The following THAP4 variants were observed in gnomAD, a reference collection of about 807,000 sequenced individuals.
THAP4 encodes THAP domain containing 4, also known as peroxynitrite isomerase THAP4.
In THAP4, 18 loss-of-function variants were observed where a neutral mutation model predicts 48.1. That is an observed-to-expected ratio of 0.37 (90% CI 0.26 to 0.56). The LOEUF is 0.56. THAP4 is among the 20% of genes least tolerant of loss of function. THAP4 has a pLI of 0.78. For synonymous variants in THAP4, 345 were observed against 324.9 expected (o/e 1.06, Z -0.66); for missense variants, 656 against 774.9 (o/e 0.85, Z 1.82).
At chr2:241,607,998 A>G (rs1363240353) in intron 2 of THAP4, among the ~76,000 whole-genome samples, 1 of 144,558 alleles carries the variant, frequency 6.9e-6, no homozygotes, top group South Asian at 2.3e-4. Flanking sequence ...ACTGACCCCC[A>G]GTGTCTCCTC....
At chr2:241,596,588 C>T (rs1238271234) in intron 5 of THAP4, among the ~76,000 whole-genome samples, 2 of 94,348 alleles carry the variant, frequency 2.1e-5, no homozygotes, top group African/African-American at 4.4e-5. Context: ...GCGCAGATCA[C>T]GAGGTCAGGA....
intron 2 of THAP4, among the ~76,000 whole-genome samples, chr2:241,621,365 A>C (rs1015314812): frequency 1.3e-5 from 2 of 152,210 alleles, no homozygotes; most frequent in Non-Finnish European, 2.9e-5. Context: ...TAGTAATAAT[A>C]ATAAAATCAG....
At chr2:241,603,214 C>G in intron 3 of THAP4, 135 bp from the exon 4 acceptor site, 2 of 672,802 alleles carry the variant, frequency 3.0e-6, no homozygotes, top group Admixed American at 4.3e-5. Flanking sequence ...CTGCCCCTAC[C>G]ACCACCTTGC....
chr2:241,595,300 C>T (rs1377236949), intron 5 of THAP4, among the ~76,000 whole-genome samples: 1 of 152,030 alleles, frequency 6.6e-6, no homozygotes, highest in Admixed American at 6.6e-5. Context: ...CAGGCGTGAG[C>T]CACCGCACTC....
At position 241,636,997 on chromosome 2, in the gene THAP4, G is replaced by A; in HGVS notation, c.21C>T (p.Ala7=). The A allele has an allele frequency of 1.5e-6, 2 of 1,317,458 alleles. No homozygotes were observed. The highest frequency in any genetic ancestry group is 9.9e-7 in the Non-Finnish European group (1 of 1,009,904). 81.6% of individuals were successfully genotyped at this position (1,317,458 alleles called of 1,614,324 possible). A position where few individuals can be genotyped will look rare whatever the true frequency, so the allele number is the denominator to read the frequency against. MVICCA[A]VNCSNRQGKG... is the part of the protein sequence containing the mutation. The stretch of plus-strand genomic sequence containing the variant: ...TTCCCTGCCGGTTGGAGCAGTTCAC[G>A]GCCGCACAGCAGATCACCATCGCGG... Residue 7 remains alanine, a synonymous_variant, in exon 1 of 6, where the codon GCC becomes GCT. Transcript: ENST00000407315.
chr2:241,593,600 G>A (rs1267921843), intron 5 of THAP4, among the ~76,000 whole-genome samples: 1 of 152,244 alleles, frequency 6.6e-6, no homozygotes, highest in Non-Finnish European at 1.5e-5. Context: ...TCCGTGGCGT[G>A]GCCTGAGTGT....
chr2:241,584,547 G>A lies in THAP4; in HGVS notation c.*59C>T, dbSNP rs1043467383. On this transcript the variant is annotated 3_prime_UTR_variant, in exon 6 of 6. Coordinates refer to ENST00000407315, the MANE Select transcript of THAP4 (RefSeq NM_015963.6). ...TCTGCCGCAGGGACTGTCTGTTGAGGAGCCGAACCGTTGAGGCACAGTAGC... is the reference window on the plus strand; with the variant it reads ...TCTGCCGCAGGGACTGTCTGTTGAGAAGCCGAACCGTTGAGGCACAGTAGC... 2.4e-5 allele frequency: 38 copies of A among 1,603,224 alleles called. No individual in the cohort carries two copies. In the Middle Eastern group the frequency reaches 6.8e-4, roughly 29 times the overall value.
chr2:241,618,384 A>G lies in THAP4; in HGVS notation c.1241-11911T>C, dbSNP rs913437209. Reference sequence around the variant, plus strand: ...CCTCGTTAATCTGAGTCTCAATTGAAGAACTATTAGAATCTACAAGTGAAT... The same window carrying G: ...CCTCGTTAATCTGAGTCTCAATTGAGGAACTATTAGAATCTACAAGTGAAT... On this transcript the variant is annotated intron_variant, in intron 2 of 5. Transcript: ENST00000407315. Among the ~76,000 whole-genome samples the G allele has an allele frequency of 2.0e-5, 3 of 152,390 alleles. No homozygotes were observed. In the East Asian group the frequency reaches 5.8e-4, roughly 29 times the overall value.
At position 241,612,789 on chromosome 2, in the gene THAP4, C is replaced by A. The variant is rs892067988; in HGVS notation, c.1241-6316G>T. ...TGTGGCAGAAGACGCTAGAGTCACA[C>A]GTAGAAGGCGCATGAGGAGGGAAGG... is the stretch of plus-strand genomic sequence containing the variant. On this transcript the variant is annotated intron_variant, in intron 2 of 5. Transcript: ENST00000407315. This position sits in a 1 kb window ranked among gnomAD's most constrained non-coding sequence, Gnocchi z 4.1. Among the ~76,000 whole-genome samples, 2 of 152,118 alleles carry A rather than the reference C, an allele frequency of 1.3e-5. No individual in the cohort carries two copies. The highest frequency in any genetic ancestry group is 4.8e-5 in the African/African-American group (2 of 41,420).
intron 5 of THAP4, among the ~76,000 whole-genome samples, chr2:241,595,317 G>A (rs759382835): frequency 2.0e-5 from 3 of 152,074 alleles, no homozygotes; most frequent in Admixed American, 1.3e-4. Flanking sequence ...ACTCAGCCCT[G>A]CATTATATCT....
intron 2 of THAP4, among the ~76,000 whole-genome samples, chr2:241,607,094 G>A (rs1174833642): frequency 6.6e-6 from 1 of 152,142 alleles, no homozygotes; most frequent in Non-Finnish European, 1.5e-5. Context: ...AGGGGCTGGG[G>A]CTTCACAGCA....
Position 241,633,703 on chromosome 2 carries a change from C to T in THAP4, c.454G>A (p.Glu152Lys). The T allele has an allele frequency of 6.2e-7, 1 of 1,611,818 alleles. No homozygotes were observed. Among genetic ancestry groups the T allele is most frequent in the Non-Finnish European group, 8.5e-7 (1 of 1,179,602 alleles). The change falls in exon 2 of 6, where the codon GAA becomes AAA. Residue 152 changes from glutamate (E) to lysine (K), a missense_variant. By Grantham distance (56) the Glu-to-Lys change is moderately conservative. This residue lies in a region of THAP4 where 391 missense variants were observed against 412.4 expected (regional missense o/e 0.95). Coordinates refer to ENST00000407315, the MANE Select transcript of THAP4 (RefSeq NM_015963.6). The surrounding 1 kb of genome is among the most constrained non-coding windows in gnomAD (Gnocchi z 7.5). The stretch of plus-strand genomic sequence containing the variant: ...TCCTGGGCCGCCCTGGGTGTGGCTT[C>T]ACCTTGCAGAGCAGCTTGCTTCAAC... ...RRLKQAALQG[E>K]ATPRAAQEAA...
intron 2 of THAP4, among the ~76,000 whole-genome samples, chr2:241,619,104 G>C (rs567683157): frequency 7.2e-5 from 11 of 152,328 alleles, no homozygotes; most frequent in Admixed American, 6.5e-4. Context: ...GCTGGAGCCT[G>C]CTTCCCCTCC....
At chr2:241,590,198 A>C (rs1203976421) in intron 5 of THAP4, among the ~76,000 whole-genome samples, 2 of 141,786 alleles carry the variant, frequency 1.4e-5, no homozygotes, top group East Asian at 4.4e-4. Context: ...AATGGGCACT[A>C]GGACACACAG....
At chr2:241,622,098 G>C (rs896866104) in intron 2 of THAP4, among the ~76,000 whole-genome samples, 1 of 152,200 alleles carries the variant, frequency 6.6e-6, no homozygotes, top group Non-Finnish European at 1.5e-5. Context: ...ACGCGGGCGC[G>C]GTGGCTCACG....
At chr2:241,589,239 AC>A (rs1559215694) in intron 5 of THAP4, among the ~76,000 whole-genome samples, 1 of 148,384 alleles carries the variant, frequency 6.7e-6, no homozygotes, top group Non-Finnish European at 1.5e-5. Flanking sequence ...AAGAAAAGAA[AC>A]CCCCCACCCC....
chr2:241,618,953 A>G (rs1478001799), intron 2 of THAP4, among the ~76,000 whole-genome samples: 3 of 152,172 alleles, frequency 2.0e-5, no homozygotes, highest in Non-Finnish European at 4.4e-5. Flanking sequence ...CCAGGACCTC[A>G]TCTCAGCTGG....
chr2:241,635,844 C>T (rs1449887548), intron 1 of THAP4, among the ~76,000 whole-genome samples: 1 of 152,134 alleles, frequency 6.6e-6, no homozygotes, highest in African/African-American at 2.4e-5. Flanking sequence ...GTTCTAACTG[C>T]TATTTGCTCC....
chr2:241,627,268 T>C (rs1341618204), intron 2 of THAP4, among the ~76,000 whole-genome samples: 2 of 152,212 alleles, frequency 1.3e-5, no homozygotes, highest in Non-Finnish European at 2.9e-5. Flanking sequence ...GAATTATATG[T>C]AGATAATGAA....
Sources: gnomAD v4.1 joint callset for allele counts (sites outside exome capture counted in the v4.1 genomes callset) on GRCh38, gnomAD v4.1.1 for gene constraint, gnomAD v4.1.1 regional missense constraint, Gnocchi (gnomAD v3.1) non-coding constraint, MANE v1.5 for transcripts, NCBI Gene and HGNC (gene_info 2026-07-23, HGNC 2026-07-21) for gene names.